LRRTM4: variants seen among roughly 807,000 people sequenced by gnomAD.
The protein encoded by LRRTM4 is leucine-rich repeat transmembrane neuronal protein 4.
In LRRTM4, 25 loss-of-function variants were observed where a neutral mutation model predicts 47.6. That is an observed-to-expected ratio of 0.53 (90% CI 0.38 to 0.73). LRRTM4 has a LOEUF of 0.73. LRRTM4 is among the 30% of genes least tolerant of loss of function. The pLI is 0.00. For missense variants in LRRTM4, 638 were observed against 713.4 expected (o/e 0.89, Z 1.20); for synonymous variants, 311 against 269.5 (o/e 1.15, Z -1.51).
chr2:77,060,249 TTAGA>T (rs1398334365), intron 3 of LRRTM4, among the ~76,000 whole-genome samples: 13 of 152,332 alleles, frequency 8.5e-5, no homozygotes, highest in East Asian at 7.7e-4. Flanking sequence ...TGCCTATAAC[TTAGA>T]TAGTTATTGA....
intron 3 of LRRTM4, among the ~76,000 whole-genome samples, chr2:77,422,970 C>T (rs1674961349): frequency 6.6e-6 from 1 of 152,024 alleles, no homozygotes; most frequent in Non-Finnish European, 1.5e-5. Context: ...GAAATAGCAA[C>T]AAAATATTCC....
At position 77,014,503 on chromosome 2, in the gene LRRTM4, C is replaced by CATATATATATATAT. The variant is rs71381251; in HGVS notation, c.1552-265601_1552-265588dup. On this transcript the variant is annotated intron_variant, in intron 3 of 3. Transcript: ENST00000409884. ...TGCAGAAGAAGCATTTGTGCCCTTT[C>CATATATATATATAT]ATATATATATATATAAAGATTTTAT... Among the ~76,000 whole-genome samples, 35 of 139,156 alleles carry CATATATATATATAT rather than the reference C, an allele frequency of 2.5e-4. 1 individual carries two copies. Among genetic ancestry groups the CATATATATATATAT allele is most frequent in the South Asian group, 7.3e-4 (3 of 4,124 alleles). The allele number at this position is 139,156 out of a possible 152,430, so 91.3% of individuals were successfully genotyped here.
rs191913256 is a variant in LRRTM4, at chr2:77,081,703, G to A, written c.1552-332787C>T. 9.1e-4 allele frequency among the ~76,000 whole-genome samples: 138 copies of A among 152,180 alleles called. 1 individual carries two copies. The highest frequency in any genetic ancestry group is 3.2e-3 in the African/African-American group (131 of 41,542). On this transcript the variant is annotated intron_variant, in intron 3 of 3. Coordinates refer to ENST00000409884, the MANE Select transcript of LRRTM4 (RefSeq NM_001134745.3). Reference sequence around the variant, plus strand: ...ATTAGCAGTTTATCAGTTAGGAAACGTATTCTGGATAGGCTTTTAAAAAAT... The same window carrying A: ...ATTAGCAGTTTATCAGTTAGGAAACATATTCTGGATAGGCTTTTAAAAAAT...
intron 3 of LRRTM4, among the ~76,000 whole-genome samples, chr2:77,450,318 C>G (rs1415897830): frequency 6.6e-6 from 1 of 151,522 alleles, no homozygotes; most frequent in East Asian, 1.9e-4. Context: ...CAAACACAGA[C>G]ACACACACAC....
intron 3 of LRRTM4, among the ~76,000 whole-genome samples, chr2:77,104,738 G>T (rs1044244326): frequency 6.6e-6 from 1 of 152,130 alleles, no homozygotes; most frequent in Non-Finnish European, 1.5e-5. Context: ...CGCTGAAATC[G>T]AGCAGGGTTT....
chr2:77,312,093 A>G (rs1268224730), intron 3 of LRRTM4, among the ~76,000 whole-genome samples: 1 of 152,094 alleles, frequency 6.6e-6, no homozygotes, highest in Admixed American at 6.5e-5. Context: ...AAACTGTTGA[A>G]ACATGTGGTG....
chr2:77,036,161 A>G (rs1239139394), intron 3 of LRRTM4, among the ~76,000 whole-genome samples: 2 of 151,838 alleles, frequency 1.3e-5, no homozygotes, highest in Non-Finnish European at 2.9e-5. Flanking sequence ...CACCAGGGGA[A>G]AGCATTATGG....
At chr2:77,331,444 G>T (rs1359652313) in intron 3 of LRRTM4, among the ~76,000 whole-genome samples, 1 of 152,150 alleles carries the variant, frequency 6.6e-6, no homozygotes, top group Non-Finnish European at 1.5e-5. Context: ...AATTGGACAG[G>T]GAAAGACACT....
At chr2:76,791,055 A>G (rs994861506) in intron 3 of LRRTM4, among the ~76,000 whole-genome samples, 4 of 152,212 alleles carry the variant, frequency 2.6e-5, no homozygotes, top group African/African-American at 7.2e-5. Flanking sequence ...TACTGGGGCT[A>G]TAACACTGGC....
intron 3 of LRRTM4, among the ~76,000 whole-genome samples, chr2:76,834,134 G>A (rs962512602): frequency 4.0e-5 from 6 of 151,426 alleles, no homozygotes; most frequent in East Asian, 1.9e-4. Flanking sequence ...TCTCCCTCCC[G>A]GGTTCAAGTA....
intron 3 of LRRTM4, among the ~76,000 whole-genome samples, chr2:76,838,764 G>A (rs1017736796): frequency 6.6e-6 from 1 of 152,024 alleles, no homozygotes; most frequent in African/African-American, 2.4e-5. Flanking sequence ...CTATTTTGAC[G>A]TTGAACATGG....
chr2:77,299,364 T>C (rs2104157560), intron 3 of LRRTM4, among the ~76,000 whole-genome samples: 1 of 151,434 alleles, frequency 6.6e-6, no homozygotes, highest in Non-Finnish European at 1.5e-5. Flanking sequence ...TATATATGTG[T>C]GTATATATAT....
intron 3 of LRRTM4, among the ~76,000 whole-genome samples, chr2:76,940,944 T>C (rs894240075): frequency 1.1e-4 from 16 of 152,196 alleles, no homozygotes; most frequent in Admixed American, 9.8e-4. Context: ...TCAGTACCTA[T>C]TGACTTCTTA....
chr2:77,075,577 A>C (rs1010195002), intron 3 of LRRTM4, among the ~76,000 whole-genome samples: 7 of 152,146 alleles, frequency 4.6e-5, no homozygotes, highest in Non-Finnish European at 4.4e-5. Context: ...ATTGTATGCA[A>C]ATATGATGAT....
Position 77,518,431 on chromosome 2 carries a change from G to A in LRRTM4, c.1438C>T (p.Pro480Ser), listed in dbSNP as rs1679315254. ...ARESERQMNS[P>S]LQEYYVDYKP... ...TAGTCCACATAATACTCCTGTAAAG[G>A]GGAATTCATTTGTCTTTCAGACTCT... is the stretch of plus-strand genomic sequence containing the variant. The change falls in exon 3 of 4, where the codon CCT (proline) becomes TCT (serine). Residue 480 changes from proline to serine, a missense_variant. Pro to Ser is a moderately conservative substitution (Grantham distance 74, BLOSUM62 -1). Transcript: ENST00000409884. 1.2e-6 allele frequency: 2 copies of A among 1,613,156 alleles called. No homozygotes were observed. The highest frequency in any genetic ancestry group is 3.3e-5 in the Admixed American group (2 of 59,844).
chr2:77,226,027 AT>A (rs1411653435), intron 3 of LRRTM4, among the ~76,000 whole-genome samples: 29 of 151,808 alleles, frequency 1.9e-4, no homozygotes, highest in Admixed American at 4.6e-4. Flanking sequence ...AATATTAAAA[AT>A]ATTGTCTAAA....
intron 3 of LRRTM4, among the ~76,000 whole-genome samples, chr2:77,330,239 C>A (rs560205356): frequency 6.6e-6 from 1 of 152,262 alleles, no homozygotes; most frequent in African/African-American, 2.4e-5. Context: ...AATAGGCATT[C>A]AGCAAAAGTT....
At chr2:77,056,345 G>A (rs1001595654) in intron 3 of LRRTM4, among the ~76,000 whole-genome samples, 1 of 151,992 alleles carries the variant, frequency 6.6e-6, no homozygotes, top group Admixed American at 6.6e-5. Context: ...TTTTCCACTA[G>A]ACTCAAAAGT....
intron 3 of LRRTM4, among the ~76,000 whole-genome samples, chr2:77,329,824 T>C (rs972835601): frequency 2.0e-5 from 3 of 152,108 alleles, no homozygotes; most frequent in Admixed American, 6.5e-5. Context: ...AGCATTTGTT[T>C]TGGGTCTTGA....
Sources: gnomAD v4.1 joint callset for allele counts (sites outside exome capture counted in the v4.1 genomes callset) on GRCh38, gnomAD v4.1.1 for gene constraint, MANE v1.5 for transcripts, NCBI Gene and HGNC (gene_info 2026-07-23, HGNC 2026-07-21) for gene names.